CPLANE1: variants seen among roughly 807,000 people sequenced by gnomAD.
The protein encoded by CPLANE1 is ciliogenesis and planar polarity effector complex subunit 1.
Under a neutral mutation model 362.5 loss-of-function variants are expected in CPLANE1, and 263 were observed. The observed-to-expected ratio is 0.73, with a 90% CI of 0.66 to 0.80. CPLANE1 has a LOEUF of 0.80. CPLANE1 is among the 30% of genes least tolerant of loss of function. The probability of loss-of-function intolerance (pLI) is 0.00; values close to 1 mark genes in which losing one functional copy is unlikely to be tolerated. For synonymous variants in CPLANE1, 1,212 were observed against 1,302.6 expected (o/e 0.93, Z 1.50); for missense variants, 3,461 against 3,793.4 (o/e 0.91, Z 2.30).
intron 38 of CPLANE1, among the ~76,000 whole-genome samples, chr5:37,159,136 G>A (rs1295602763): frequency 1.2e-3 from 133 of 109,632 alleles, no homozygotes; most frequent in African/African-American, 4.8e-3. Flanking sequence ...ACGGAGTCTC[G>A]CTCTGTCGCC....
chr5:37,213,710 C>A lies in CPLANE1; in HGVS notation c.2769G>T (p.Glu923Asp). 1 of 1,517,900 alleles carries A rather than the reference C, an allele frequency of 6.6e-7. No individual in the cohort carries two copies. Among genetic ancestry groups the A allele is most frequent in the South Asian group, 1.3e-5 (1 of 78,186 alleles). The allele number at this position is 1,517,900 out of a possible 1,614,324, so 94.0% of individuals were successfully genotyped here. A position where few individuals can be genotyped will look rare whatever the true frequency, so the allele number is the denominator to read the frequency against. Residue 923 changes from glutamate to aspartate, a missense_variant, in exon 16 of 53, where the codon GAG (glutamate) becomes GAT (aspartate). Around this residue, in one of 2 missense-constraint regions of CPLANE1, gnomAD observed 3,380 missense variants for 3,666.1 expected, o/e 0.92. Coordinates refer to ENST00000651892, the MANE Select transcript of CPLANE1 (RefSeq NM_001384732.1). ...GATGAACACCGCCCACCATTCCACA[C>A]TCAAAATGAGACTTTGCAGCACCTA... ...DFSGAAKSHF[E>D]CGMVGGVHPE...
intron 42 of CPLANE1, among the ~76,000 whole-genome samples, chr5:37,152,912 T>G (rs1034767286): frequency 2.0e-5 from 3 of 151,958 alleles, no homozygotes; most frequent in Non-Finnish European, 4.4e-5. Flanking sequence ...AAAAAAGATA[T>G]GAAAAATTTC....
At position 37,227,045 on chromosome 5, in the gene CPLANE1, C is replaced by T; in HGVS notation, c.1550G>A (p.Gly517Asp). 2 of 1,546,884 alleles carry T rather than the reference C, an allele frequency of 1.3e-6. No homozygotes were observed. Among genetic ancestry groups the T allele is most frequent in the Non-Finnish European group, 1.7e-6 (2 of 1,145,212 alleles). The change falls in exon 12 of 53, where the codon GGC becomes GAC. Residue 517 changes from glycine (G) to aspartate (D), a missense_variant. Gly to Asp is a moderately conservative substitution (Grantham distance 94). Transcript: ENST00000651892. ...ACATAAGTTGTCTGGAAAGTGTCTG[C>T]CTTCGTTAGTTTCTTCTGCTTCAAA... ...QDFEAEETNE[G>D]RHFPDNLCPF...
chr5:37,172,058 T>C (rs555871957), intron 32 of CPLANE1, among the ~76,000 whole-genome samples: 18 of 152,190 alleles, frequency 1.2e-4, no homozygotes, highest in African/African-American at 3.1e-4. Flanking sequence ...GCAATCCTCC[T>C]ACCTCAGCCA....
chr5:37,142,529 AG>A, intron 43 of CPLANE1, 49 bp from the exon 44 acceptor site: 1 of 1,243,434 alleles, frequency 8.0e-7, no homozygotes, highest in Non-Finnish European at 1.1e-6. Context: ...AGAGGAAAAA[AG>A]ATCACATGGA....
Position 37,182,850 on chromosome 5 carries a change from T to C in CPLANE1, c.5331A>G (p.Val1777=). 1 of 1,613,176 alleles carries C rather than the reference T, an allele frequency of 6.2e-7. No individual in the cohort carries two copies. Among genetic ancestry groups the C allele is most frequent in the Middle Eastern group, 1.7e-4 (1 of 6,052 alleles). The change falls in exon 26 of 53, where the codon GTA becomes GTG. Residue 1777 remains valine, a synonymous_variant. Coordinates refer to ENST00000651892, the MANE Select transcript of CPLANE1 (RefSeq NM_001384732.1). ...TAAGAATGGCAGCTGTAGAGGTCTT[T>C]ACACGAATTACTGGACTGTACTCAG... ...SSSEYSPVIR[V]KTSTAAILTS...
intron 43 of CPLANE1, among the ~76,000 whole-genome samples, chr5:37,143,826 T>C (rs924452532): frequency 1.1e-4 from 17 of 151,824 alleles, no homozygotes; most frequent in African/African-American, 3.9e-4. Flanking sequence ...TCACAGCTAC[T>C]TGGAAGGCTG....
chr5:37,190,011 GA>G (rs1310431979), intron 21 of CPLANE1, among the ~76,000 whole-genome samples: 1 of 150,652 alleles, frequency 6.6e-6, no homozygotes, highest in African/African-American at 2.4e-5. Flanking sequence ...AAAAAAAAAA[GA>G]AAAGAAAAGA....
rs760906097 is a variant in CPLANE1, at chr5:37,221,459, G to A, written c.2611C>T (p.Arg871Cys). ...CAGTATAAGAGAGAAAGATAATAGC[G>A]TATCTGAAGAAAATACGTCCTTCTT... ...GGRRTYFLQI[R>C]YYLSLLYCHL... The change falls in exon 15 of 53, where the codon CGC (arginine) becomes TGC (cysteine). Residue 871 changes from arginine (R) to cysteine (C), a missense_variant. Physicochemically the swap from Arg to Cys is radical, Grantham distance 180 (BLOSUM62 -3). Coordinates refer to ENST00000651892, the MANE Select transcript of CPLANE1 (RefSeq NM_001384732.1). 33 of 1,505,968 alleles carry A rather than the reference G, an allele frequency of 2.2e-5. No homozygotes were observed. The highest frequency in any genetic ancestry group is 2.6e-5 in the East Asian group (1 of 39,152). 93.3% of individuals were successfully genotyped at this position (1,505,968 alleles called of 1,614,324 possible). A position where few individuals can be genotyped will look rare whatever the true frequency, so the allele number is the denominator to read the frequency against.
chr5:37,084,227 T>A, the CPLANE1 span, among the ~76,000 whole-genome samples: 1 of 152,146 alleles, frequency 6.6e-6, no homozygotes, highest in Non-Finnish European at 1.5e-5. Context: ...AAACAAATGC[T>A]GAGAGAATTC....
intron 1 of CPLANE1, among the ~76,000 whole-genome samples, chr5:37,248,977 A>G (rs982408873): frequency 9.9e-5 from 15 of 152,202 alleles, no homozygotes; most frequent in Non-Finnish European, 1.2e-4. Context: ...GGCACCACCC[A>G]CGCCGGCCGG....
chr5:37,076,744 C>G, the CPLANE1 span, among the ~76,000 whole-genome samples: 253 of 151,368 alleles, frequency 1.7e-3, 1 homozygote, highest in African/African-American at 5.6e-3. Context: ...AAAACCATTT[C>G]TTTTATTTCT....
At chr5:37,220,002 C>T (rs112730830) in intron 15 of CPLANE1, among the ~76,000 whole-genome samples, 1 of 152,098 alleles carries the variant, frequency 6.6e-6, no homozygotes, top group African/African-American at 2.4e-5. Context: ...CCTATAATCC[C>T]AACACTTTGG....
intron 21 of CPLANE1, among the ~76,000 whole-genome samples, chr5:37,193,484 A>G (rs372581472): frequency 2.0e-5 from 3 of 152,002 alleles, no homozygotes; most frequent in Non-Finnish European, 2.9e-5. Context: ...GCAAAACCCC[A>G]TATCTACTAA....
chr5:37,119,192 G>A (rs887157928), intron 50 of CPLANE1, among the ~76,000 whole-genome samples: 1 of 152,084 alleles, frequency 6.6e-6, no homozygotes, highest in Admixed American at 6.5e-5. Context: ...AATTTTCAAA[G>A]GATAAAAACA....
intron 18 of CPLANE1, 60 bp from the exon 19 acceptor site, chr5:37,201,868 T>C: frequency 8.2e-7 from 1 of 1,219,404 alleles, no homozygotes; most frequent in Non-Finnish European, 1.1e-6. Flanking sequence ...CTTATCCATT[T>C]TGTAGGAAAA....
chr5:37,093,840 T>C, the CPLANE1 span, among the ~76,000 whole-genome samples: 1 of 152,184 alleles, frequency 6.6e-6, no homozygotes, highest in African/African-American at 2.4e-5. Context: ...CAAAAGCTTT[T>C]TGCAAAAGCT....
chr5:37,226,199 A>G, intron 12 of CPLANE1, 105 bp downstream of exon 12: 1 of 788,488 alleles, frequency 1.3e-6, no homozygotes, highest in Non-Finnish European at 1.9e-6. Flanking sequence ...TGAATAGTAC[A>G]TTTTAAAATG....
intron 34 of CPLANE1, among the ~76,000 whole-genome samples, 197 bp from the exon 35 acceptor site, chr5:37,167,410 A>G (rs1778556061): frequency 6.6e-6 from 1 of 152,238 alleles, no homozygotes; most frequent in Non-Finnish European, 1.5e-5. Flanking sequence ...AAGTGCTGAA[A>G]GTTTCAAATG....
Sources: gnomAD v4.1 joint callset for allele counts (sites outside exome capture counted in the v4.1 genomes callset) on GRCh38, gnomAD v4.1.1 for gene constraint, gnomAD v4.1.1 regional missense constraint, MANE v1.5 for transcripts, NCBI Gene and HGNC (gene_info 2026-07-23, HGNC 2026-07-21) for gene names.